GORAB: variants seen among roughly 807,000 people sequenced by gnomAD.
The protein encoded by GORAB is golgin, RAB6 interacting.
A neutral mutation model predicts 29.9 loss-of-function variants in GORAB; 17 were observed. That is an observed-to-expected ratio of 0.57 (90% confidence interval 0.39 to 0.85). GORAB has a LOEUF of 0.85. Ranked by LOEUF, GORAB falls within the 40% of genes least tolerant of loss-of-function variation. GORAB has a pLI of 0.00. For missense variants in GORAB, 442 were observed against 437.8 expected (o/e 1.01, Z -0.09); for synonymous variants, 183 against 157.2 (o/e 1.16, Z -1.23).
At chr1:170,546,771 G>A (rs973801760) in intron 4 of GORAB, among the ~76,000 whole-genome samples, 7 of 151,944 alleles carry the variant, frequency 4.6e-5, no homozygotes, top group African/African-American at 1.7e-4. Flanking sequence ...TGCAACCTCC[G>A]CCTCCCAGAT....
At chr1:170,544,870 A>G (rs762576812) in intron 4 of GORAB, 25 bp downstream of exon 4, 2 of 1,598,990 alleles carry the variant, frequency 1.3e-6, no homozygotes, top group South Asian at 2.2e-5. Flanking sequence ...TTGAATCTGA[A>G]CAAGGAGTAT....
Position 170,552,442 on chromosome 1 carries a change from T to G in GORAB, c.1090T>G (p.Ser364Ala). 6.2e-7 allele frequency: 1 copy of G among 1,613,874 alleles called. No homozygotes were observed. Among genetic ancestry groups the G allele is most frequent in the Non-Finnish European group, 8.5e-7 (1 of 1,179,912 alleles). ...NCPNQEGNDISAALAT is the reference protein window; with the variant it reads ...NCPNQEGNDIAAALAT Reference sequence around the variant, plus strand: ...CCCAAATCAAGAAGGTAATGACATTTCAGCTGCTTTGGCCACATGAAGTTC... The same window carrying G: ...CCCAAATCAAGAAGGTAATGACATTGCAGCTGCTTTGGCCACATGAAGTTC... The change falls in exon 5 of 5, where the codon TCA becomes GCA. Residue 364 changes from serine to alanine, a missense_variant. Coordinates refer to ENST00000367763, the MANE Select transcript of GORAB (RefSeq NM_152281.3).
At chr1:170,542,465 A>AT (rs1158944423) in intron 2 of GORAB, 26 bp from the exon 3 acceptor site, 1 of 1,477,574 alleles carries the variant, frequency 6.8e-7, no homozygotes. Context: ...TCATAAACTC[A>AT]TTTTTATGCT....
intron 2 of GORAB, among the ~76,000 whole-genome samples, chr1:170,541,974 A>G (rs1222305326): frequency 6.6e-6 from 1 of 152,192 alleles, no homozygotes; most frequent in Non-Finnish European, 1.5e-5. Flanking sequence ...GAAAGACAAA[A>G]AAAAGTCTTA....
At chr1:170,539,738 A>G (rs1450651495) in intron 2 of GORAB, 171 bp downstream of exon 2, 3 of 674,758 alleles carry the variant, frequency 4.4e-6, no homozygotes, top group Non-Finnish European at 7.3e-6. Flanking sequence ...GCCTAAATAT[A>G]AGCTGGACAC....
chr1:170,548,043 A>G (rs6427260), intron 4 of GORAB, among the ~76,000 whole-genome samples: 142,408 of 152,300 alleles, frequency 0.94, 67,289 homozygotes, highest in East Asian at 1. Context: ...TAAGACTACC[A>G]TAAGAAGTAA....
Position 170,544,729 on chromosome 1 carries a change from C to T in GORAB, c.546C>T (p.Thr182=). The T allele has an allele frequency of 3.7e-6, 6 of 1,614,000 alleles. No homozygotes were observed. Among genetic ancestry groups the T allele is most frequent in the Non-Finnish European group, 5.1e-6 (6 of 1,179,912 alleles). ...GATCCAAAAGAACTCAGGCAGAGAC[C>T]ATGAAACTAAAGCGGATCCAGAAGG... ...AERSKRTQAE[T]MKLKRIQKEL... Residue 182 remains threonine (T), a synonymous_variant, in exon 4 of 5, where the codon ACC becomes ACT. Coordinates refer to ENST00000367763, the MANE Select transcript of GORAB (RefSeq NM_152281.3).
At chr1:170,537,668 G>A (rs959630018) in intron 1 of GORAB, among the ~76,000 whole-genome samples, 2 of 152,062 alleles carry the variant, frequency 1.3e-5, no homozygotes, top group Non-Finnish European at 2.9e-5. Context: ...TTGACTAAAG[G>A]TGACTCGGAA....
intron 4 of GORAB, among the ~76,000 whole-genome samples, chr1:170,547,454 G>A (rs1649835394): frequency 6.7e-6 from 1 of 149,228 alleles, no homozygotes; most frequent in South Asian, 2.1e-4. Flanking sequence ...TGCTGCTACT[G>A]CTACTACTGC....
chr1:170,544,926 A>G, intron 4 of GORAB, 81 bp downstream of exon 4: 1 of 1,552,116 alleles, frequency 6.4e-7, no homozygotes, highest in Non-Finnish European at 8.8e-7. Flanking sequence ...GCTTTTATGT[A>G]TATCATCATT....
chr1:170,542,010 G>T (rs1480828337), intron 2 of GORAB, among the ~76,000 whole-genome samples: 1 of 152,092 alleles, frequency 6.6e-6, no homozygotes, highest in East Asian at 1.9e-4. Flanking sequence ...TGAGCAAATT[G>T]AAAGAAAATA....
rs1649679384 is a variant in GORAB at position 170,545,153 on chromosome 1, G to A, written c.662+308G>A. The A allele has an allele frequency of 2.6e-5, 27 of 1,048,824 alleles. No individual in the cohort carries two copies. In the South Asian group the frequency reaches 1.1e-3, roughly 41 times the overall value. The allele number at this position is 1,048,824 out of a possible 1,614,324, so 65.0% of individuals were successfully genotyped here. A position where few individuals can be genotyped will look rare whatever the true frequency, so the allele number is the denominator to read the frequency against. The stretch of plus-strand genomic sequence containing the variant: ...TGGAAGTGTTTTTGCTCATCTTTCA[G>A]CATCTAGCAAAGTAAATATCTGAGT... On this transcript the variant is annotated intron_variant, in intron 4 of 4. Transcript: ENST00000367763.
chr1:170,544,450 A>G (rs1022806933), intron 3 of GORAB, among the ~76,000 whole-genome samples: 3 of 152,236 alleles, frequency 2.0e-5, no homozygotes, highest in Non-Finnish European at 4.4e-5. Context: ...TACAGAATGA[A>G]TATCAATCTA....
rs1181005539 is a variant in GORAB, at chr1:170,552,695, AC to A, written c.*236del. On this transcript the variant is annotated 3_prime_UTR_variant, in exon 5 of 5. Coordinates refer to ENST00000367763, the MANE Select transcript of GORAB (RefSeq NM_152281.3). ...GCCCGGTTCTTTCAGTGTTCCGTTT[AC>A]CCTTTTTACTGAAAGTAAGTGACTT... is the stretch of plus-strand genomic sequence containing the variant. The A allele has an allele frequency of 1.8e-6, 1 of 569,186 alleles. No homozygotes were observed. The highest frequency in any genetic ancestry group is 3.3e-6 in the Non-Finnish European group (1 of 301,878). The allele number at this position is 569,186 out of a possible 1,614,324, so 35.3% of individuals were successfully genotyped here.
Position 170,544,742 on chromosome 1 carries a change from C to T in GORAB, c.559C>T (p.Arg187Trp), listed in dbSNP as rs763362522. ...TCAGGCAGAGACCATGAAACTAAAG[C>T]GGATCCAGAAGGAGTTGCAGGCTTT... The part of the protein sequence containing the change: ...RTQAETMKLK[R>W]IQKELQALDD... The change falls in exon 4 of 5, where the codon CGG becomes TGG. Residue 187 changes from arginine (R) to tryptophan (W), a missense_variant. Arg to Trp is a moderately radical substitution (Grantham distance 101). Coordinates refer to ENST00000367763, the MANE Select transcript of GORAB (RefSeq NM_152281.3). The T allele has an allele frequency of 2.5e-5, 41 of 1,613,742 alleles. No homozygotes were observed. The highest frequency in any genetic ancestry group is 4.5e-5 in the East Asian group (2 of 44,886).
At chr1:170,533,980 A>G (rs927635383) in intron 1 of GORAB, among the ~76,000 whole-genome samples, 2 of 152,170 alleles carry the variant, frequency 1.3e-5, no homozygotes, top group Non-Finnish European at 2.9e-5. Context: ...GCTGTTCTCT[A>G]TCTTTAAAAA....
At chr1:170,544,669 G>C (rs750368506) in intron 3 of GORAB, 36 bp from the exon 4 acceptor site, 27 of 1,597,352 alleles carry the variant, frequency 1.7e-5, no homozygotes, top group Non-Finnish European at 2.2e-5. Context: ...GTTTTAAAAT[G>C]TTCTTATTTT....
rs1648727109 is a variant in GORAB, at chr1:170,532,282, A to C, written c.59A>C (p.Lys20Thr). The C allele has an allele frequency of 6.2e-7, 1 of 1,614,076 alleles. No homozygotes were observed. The change falls in exon 1 of 5, where the codon AAA becomes ACA. Residue 20 changes from lysine (K) to threonine (T), a missense_variant and splice_region_variant. Coordinates refer to ENST00000367763, the MANE Select transcript of GORAB (RefSeq NM_152281.3). ...GAACTGAGGAGACTAAAGCAGACTA[A>C]AGGTTACAAGATGGGTTTACAGTGG... Reference protein sequence around the residue: ...EEELRRLKQTKDPFEPQRRLP... With the variant: ...EEELRRLKQTTDPFEPQRRLP...
chr1:170,551,705 C>T (rs928197997), intron 4 of GORAB, among the ~76,000 whole-genome samples: 15 of 152,180 alleles, frequency 9.9e-5, no homozygotes, highest in African/African-American at 3.6e-4. Flanking sequence ...CATCCTCCCA[C>T]CCCAGAACTA....
Sources: allele counts gnomAD v4.1 joint callset (sites outside exome capture counted in the v4.1 genomes callset), GRCh38; gene constraint gnomAD v4.1.1; transcripts MANE v1.5; gene names NCBI Gene and HGNC (gene_info 2026-07-23, HGNC 2026-07-21).